SNX29: variants seen among roughly 807,000 people sequenced by gnomAD.
SNX29 encodes the protein sorting nexin-29.
SNX29 carries 78 observed loss-of-function variants against 102.1 expected under a neutral mutation model. That is an observed-to-expected ratio of 0.76 (90% CI 0.64 to 0.92). SNX29 has a LOEUF of 0.92. SNX29 is among the 40% of genes least tolerant of loss of function. The probability of loss-of-function intolerance (pLI) is 0.00; values close to 1 mark genes in which losing one functional copy is unlikely to be tolerated. For synonymous variants in SNX29, 580 were observed against 414.5 expected, an observed-to-expected ratio of 1.40 and a Z score of -4.85; for missense variants, 1,280 against 1,061.7, an observed-to-expected ratio of 1.21 and a Z score of -2.86.
intron 20 of SNX29, 148 bp from the exon 21 acceptor site, chr16:12,568,358 A>T: frequency 9.6e-7 from 1 of 1,043,480 alleles, no homozygotes. Context: ...TCATTTCTTC[A>T]GGTGGCACCA....
intron 16 of SNX29, among the ~76,000 whole-genome samples, chr16:12,380,661 C>CCAT (rs2083063045): frequency 1.5e-5 from 1 of 67,134 alleles, no homozygotes; most frequent in African/African-American, 1.1e-4. Flanking sequence ...CATCCATCCA[C>CCAT]CCACCCACCA....
At chr16:12,531,370 A>G (rs907684466) in intron 20 of SNX29, among the ~76,000 whole-genome samples, 2 of 152,200 alleles carry the variant, frequency 1.3e-5, no homozygotes, top group African/African-American at 2.4e-5. Flanking sequence ...GACTGGGTAT[A>G]GTGGATGGAT....
Position 12,572,513 on chromosome 16 carries a change from A to C in SNX29, c.*3884A>C. 2 of 1,063,896 alleles carry C rather than the reference A, an allele frequency of 1.9e-6. No homozygotes were observed. Among genetic ancestry groups the C allele is most frequent in the Non-Finnish European group, 2.3e-6 (2 of 878,356 alleles). 65.9% of individuals were successfully genotyped at this position (1,063,896 alleles called of 1,614,324 possible). A position where few individuals can be genotyped will look rare whatever the true frequency, so the allele number is the denominator to read the frequency against. On this transcript the variant is annotated 3_prime_UTR_variant, in exon 21 of 21. Transcript: ENST00000566228. ...TTCCAGGCCTCGGCCTTCCTGCTCC[A>C]CGTGCTCAAGCCCCCACAGGGGGCT... is the stretch of plus-strand genomic sequence containing the variant.
At position 12,061,588 on chromosome 16, in the gene SNX29, G is replaced by A. The variant is rs371077185; in HGVS notation, c.1185G>A (p.Leu395=). 5.0e-6 allele frequency: 8 copies of A among 1,611,976 alleles called. No homozygotes were observed. The African/African-American group carries it at 5.3e-5, about 11-fold the overall frequency. The change falls in exon 9 of 21, where the codon CTG becomes CTA. Residue 395 remains leucine, a synonymous_variant. Coordinates refer to ENST00000566228, the MANE Select transcript of SNX29 (RefSeq NM_032167.5). ...QMHSWAPLKV[L]HNDSDILFPV... ...ACAGCTGGGCTCCGCTGAAGGTGCT[G>A]CACAATGACTCCGACATCCTCTTCC...
chr16:12,027,389 A>G lies in SNX29; in HGVS notation c.192A>G (p.Ala64=), dbSNP rs747419582. 5.6e-6 allele frequency: 9 copies of G among 1,614,080 alleles called. No homozygotes were observed. Among genetic ancestry groups the G allele is most frequent in the Middle Eastern group, 1.7e-4 (1 of 6,052 alleles). Reference sequence around the variant, plus strand: ...GCTTGAAGAGGAGTCGAGGATTGGCACTCACAGCGGCAGCGATCAAGCAGG... The same window carrying G: ...GCTTGAAGAGGAGTCGAGGATTGGCGCTCACAGCGGCAGCGATCAAGCAGG... ...QHGLKRSRGL[A]LTAAAIKQAA... The change falls in exon 4 of 21, where the codon GCA becomes GCG. Residue 64 remains alanine (A), a synonymous_variant. Transcript: ENST00000566228.
At position 12,572,874 on chromosome 16, in the gene SNX29, C is replaced by T. The variant is rs753016935; in HGVS notation, c.*4245C>T. 5.3e-5 allele frequency: 56 copies of T among 1,061,190 alleles called. No homozygotes were observed. Among genetic ancestry groups the T allele is most frequent in the Non-Finnish European group, 6.2e-5 (54 of 876,004 alleles). 65.7% of individuals were successfully genotyped at this position (1,061,190 alleles called of 1,614,324 possible). A position where few individuals can be genotyped will look rare whatever the true frequency, so the allele number is the denominator to read the frequency against. On this transcript the variant is annotated 3_prime_UTR_variant, in exon 21 of 21. Transcript: ENST00000566228. ...TTTCAGCCCTAAAGGTAATGATTGTCTTGACTCTGCCTTGGCATTTCGCTC... is the reference window on the plus strand; with the variant it reads ...TTTCAGCCCTAAAGGTAATGATTGTTTTGACTCTGCCTTGGCATTTCGCTC...
intron 11 of SNX29, among the ~76,000 whole-genome samples, chr16:12,097,340 AAT>A (rs2052809025): frequency 6.6e-6 from 1 of 152,184 alleles, no homozygotes; most frequent in Non-Finnish European, 1.5e-5. Flanking sequence ...CTCCGGGAAG[AAT>A]ATGTTTTAGC....
At chr16:12,540,710 G>T (rs184464948) in intron 20 of SNX29, among the ~76,000 whole-genome samples, 13 of 152,176 alleles carry the variant, frequency 8.5e-5, no homozygotes, top group Non-Finnish European at 1.8e-4. Flanking sequence ...ATATGAAGAC[G>T]CTCCAGGGAT....
chr16:11,995,357 G>A (rs1268851278), intron 1 of SNX29, among the ~76,000 whole-genome samples: 1 of 152,124 alleles, frequency 6.6e-6, no homozygotes, highest in Non-Finnish European at 1.5e-5. Flanking sequence ...GTGAGCCACT[G>A]TGCCTGGCTG....
intron 18 of SNX29, among the ~76,000 whole-genome samples, chr16:12,410,021 G>A (rs1415732844): frequency 1.3e-5 from 2 of 152,096 alleles, no homozygotes; most frequent in Middle Eastern, 6.8e-3. Flanking sequence ...CTGAGAGGGA[G>A]TCTCGCTCTG....
At chr16:12,566,512 C>T (rs910049731) in intron 20 of SNX29, among the ~76,000 whole-genome samples, 2 of 152,336 alleles carry the variant, frequency 1.3e-5, no homozygotes, top group South Asian at 2.1e-4. Flanking sequence ...AGTGGCTGCT[C>T]AGACCCCGCA....
intron 20 of SNX29, chr16:12,545,396 C>G (rs1320560002): frequency 1.3e-5 from 2 of 152,250 alleles, no homozygotes; most frequent in Non-Finnish European, 2.9e-5. Flanking sequence ...GTATTGTCCG[C>G]TTCCTAACCG....
intron 15 of SNX29, among the ~76,000 whole-genome samples, chr16:12,286,396 A>C (rs1357307361): frequency 7.2e-6 from 1 of 139,554 alleles, no homozygotes; most frequent in East Asian, 2.1e-4. Flanking sequence ...CCCAGGCTGG[A>C]GTGCAGTGGT....
intron 13 of SNX29, among the ~76,000 whole-genome samples, chr16:12,192,428 T>A (rs535504593): frequency 4.5e-4 from 69 of 152,352 alleles, no homozygotes; most frequent in African/African-American, 1.6e-3. Context: ...GCCTCCTATC[T>A]TCCGGCTTCT....
At chr16:12,252,758 C>T (rs771932912) in intron 14 of SNX29, among the ~76,000 whole-genome samples, 22 of 152,196 alleles carry the variant, frequency 1.4e-4, no homozygotes, top group South Asian at 4.1e-4. Context: ...AAGAGGCAGC[C>T]GCCATTGGAG....
At chr16:12,051,713 A>G (rs2050310861) in intron 7 of SNX29, 134 bp from the exon 8 acceptor site, 5 of 1,306,270 alleles carry the variant, frequency 3.8e-6, no homozygotes, top group Admixed American at 2.8e-5. Flanking sequence ...AGGATTTTAA[A>G]AAGTCTGAAT....
At chr16:12,180,408 G>C (rs1281582470) in intron 13 of SNX29, among the ~76,000 whole-genome samples, 3 of 152,016 alleles carry the variant, frequency 2.0e-5, no homozygotes, top group African/African-American at 7.2e-5. Context: ...TTTATCTGCA[G>C]CTATATTCTA....
intron 4 of SNX29, among the ~76,000 whole-genome samples, chr16:12,035,709 A>G (rs2057454598): frequency 6.6e-6 from 1 of 151,328 alleles, no homozygotes; most frequent in Non-Finnish European, 1.5e-5. Flanking sequence ...CCTCACATTC[A>G]TCCCTCTGTC....
chr16:12,360,036 C>G (rs1465172928), intron 16 of SNX29, among the ~76,000 whole-genome samples: 5 of 152,176 alleles, frequency 3.3e-5, no homozygotes, highest in Non-Finnish European at 5.9e-5. Flanking sequence ...TTTGGCCAGG[C>G]TGGTCTCGAA....
Sources: gnomAD v4.1 joint callset for allele counts (sites outside exome capture counted in the v4.1 genomes callset) on GRCh38, gnomAD v4.1.1 for gene constraint, MANE v1.5 for transcripts, NCBI Gene and HGNC (gene_info 2026-07-23, HGNC 2026-07-21) for gene names.